Variants in FSIP1 observed in about 807,000 individuals in gnomAD.
FSIP1 encodes fibrous sheath interacting protein 1.
In FSIP1, 65 loss-of-function variants were observed where a neutral mutation model predicts 60.9. The observed-to-expected ratio is 1.07, with a 90% CI of 0.87 to 1.31. The LOEUF (loss-of-function observed/expected upper bound fraction) is 1.31. Among genes scored for constraint, FSIP1 ranks in the 40% most tolerant of loss-of-function variants. FSIP1 has a pLI of 0.00. For synonymous variants in FSIP1, 209 were observed against 221.2 expected, an observed-to-expected ratio of 0.94 and a Z score of 0.49; for missense variants, 675 against 665.5, an observed-to-expected ratio of 1.01 and a Z score of -0.16.
At chr15:39,678,518 TA>T (rs561531382) in intron 10 of FSIP1, among the ~76,000 whole-genome samples, 29 of 152,146 alleles carry the variant, frequency 1.9e-4, no homozygotes, top group Non-Finnish European at 3.8e-4. Flanking sequence ...ATTGGAAATA[TA>T]AAAACATTCG....
chr15:39,637,614 T>C (rs1892188991), intron 10 of FSIP1, among the ~76,000 whole-genome samples: 1 of 152,196 alleles, frequency 6.6e-6, no homozygotes, highest in Non-Finnish European at 1.5e-5. Flanking sequence ...TGTCCATTAG[T>C]ACCGAGTGGG....
At chr15:39,663,145 T>C (rs1356498880) in intron 10 of FSIP1, among the ~76,000 whole-genome samples, 3 of 152,218 alleles carry the variant, frequency 2.0e-5, no homozygotes, top group Non-Finnish European at 4.4e-5. Flanking sequence ...TTATCTATTA[T>C]TGTTGTTTTC....
chr15:39,737,609 A>G (rs888399620), intron 8 of FSIP1, among the ~76,000 whole-genome samples: 2 of 152,204 alleles, frequency 1.3e-5, no homozygotes, highest in African/African-American at 4.8e-5. Flanking sequence ...TAATGAATTG[A>G]CCAAGAATAA....
In FSIP1 at chr15:39,776,327, C is replaced by T. The variant is rs975051056; in HGVS notation, c.126+72G>A. ...GAGAAAATTTAAAATGGGATGTTAACAACAACCTTAGTTTCATCAACTGCT... is the reference window on the plus strand; with the variant it reads ...GAGAAAATTTAAAATGGGATGTTAATAACAACCTTAGTTTCATCAACTGCT... On this transcript the variant is annotated intron_variant, in intron 2 of 11. Transcript: ENST00000350221. The T allele has an allele frequency of 5.5e-6, 8 of 1,447,602 alleles. No homozygotes were observed. The African/African-American group carries it at 1.0e-4, about 18-fold the overall frequency. 89.7% of individuals were successfully genotyped at this position (1,447,602 alleles called of 1,614,324 possible). A position where few individuals can be genotyped will look rare whatever the true frequency, so the allele number is the denominator to read the frequency against.
At chr15:39,683,220 A>G (rs1449209119) in intron 10 of FSIP1, among the ~76,000 whole-genome samples, 2 of 152,198 alleles carry the variant, frequency 1.3e-5, no homozygotes, top group African/African-American at 4.8e-5. Flanking sequence ...CTGGAACTTC[A>G]AAACTTGATA....
At position 39,658,736 on chromosome 15, in the gene FSIP1, TGTATTAAAA is replaced by T. The variant is rs1248691346; in HGVS notation, c.1189-40500_1189-40492del. Among the ~76,000 whole-genome samples, 10 of 152,310 alleles carry T rather than the reference TGTATTAAAA, an allele frequency of 6.6e-5. No individual in the cohort carries two copies. The East Asian group carries it at 1.9e-3, about 29-fold the overall frequency. ...ATTTGACTGCTTCCTATTTAGAAGT[TGTATTAAAA>T]GTCAATGGATTCTTCAAAAAGCAAA... On this transcript the variant is annotated intron_variant, in intron 10 of 11. Coordinates refer to ENST00000350221, the MANE Select transcript of FSIP1 (RefSeq NM_152597.5).
chr15:39,613,251 G>A (rs1011754483), intron 11 of FSIP1, among the ~76,000 whole-genome samples: 7 of 152,066 alleles, frequency 4.6e-5, no homozygotes, highest in Non-Finnish European at 7.4e-5. Context: ...AAACGAAAAT[G>A]AAATGAAAGA....
intron 10 of FSIP1, among the ~76,000 whole-genome samples, chr15:39,674,260 T>C (rs2140474861): frequency 6.6e-6 from 1 of 152,278 alleles, no homozygotes; most frequent in South Asian, 2.1e-4. Context: ...TTCACCGTGT[T>C]AGCCAGGATG....
chr15:39,707,352 A>C (rs1895316500), intron 10 of FSIP1, among the ~76,000 whole-genome samples: 1 of 151,262 alleles, frequency 6.6e-6, no homozygotes, highest in Non-Finnish European at 1.5e-5. Flanking sequence ...TCCCCACTCT[A>C]CCCTCCCACT....
chr15:39,670,126 A>G (rs1161230147), intron 10 of FSIP1, among the ~76,000 whole-genome samples: 1 of 152,268 alleles, frequency 6.6e-6, no homozygotes, highest in Non-Finnish European at 1.5e-5. Flanking sequence ...CATTACATGG[A>G]TAGTGGTGAT....
At chr15:39,629,794 A>G (rs540838272) in intron 10 of FSIP1, among the ~76,000 whole-genome samples, 13 of 152,350 alleles carry the variant, frequency 8.5e-5, no homozygotes, top group African/African-American at 3.1e-4. Flanking sequence ...TCCAAGCCCC[A>G]TAGCTGGATG....
In FSIP1 at chr15:39,615,430, A is replaced by AAAAC. The variant is rs1555386844; in HGVS notation, c.1699+2304_1699+2305insGTTT. ...ACTCAATAGCAAAAAAAAAAAAAAAAATTAAAAAATAGGCAAAAGACCTGA... is the reference window on the plus strand; with the variant it reads ...ACTCAATAGCAAAAAAAAAAAAAAAAAAACATTAAAAAATAGGCAAAAGACCTGA... On this transcript the variant is annotated intron_variant, in intron 11 of 11. Transcript: ENST00000350221. Among the ~76,000 whole-genome samples the AAAAC allele has an allele frequency of 1.8e-4, 26 of 147,850 alleles. No individual in the cohort carries two copies. In the East Asian group the frequency reaches 4.2e-3, roughly 24 times the overall value.
intron 1 of FSIP1, among the ~76,000 whole-genome samples, chr15:39,777,591 C>T (rs993315019): frequency 2.0e-5 from 3 of 152,176 alleles, no homozygotes; most frequent in African/African-American, 2.4e-5. Context: ...ACACAGTGAG[C>T]GATGCAGGCA....
chr15:39,659,741 T>G (rs1029957731), intron 10 of FSIP1, among the ~76,000 whole-genome samples: 1 of 151,722 alleles, frequency 6.6e-6, no homozygotes, highest in Admixed American at 6.6e-5. Context: ...TAAATAAAAA[T>G]AATTACAGGA....
intron 8 of FSIP1, among the ~76,000 whole-genome samples, chr15:39,731,320 T>C (rs897746124): frequency 8.5e-5 from 13 of 152,142 alleles, no homozygotes; most frequent in African/African-American, 2.7e-4. Context: ...AAGTTATGCA[T>C]AATTTTTAAA....
At chr15:39,707,349 T>A (rs1895316382) in intron 10 of FSIP1, among the ~76,000 whole-genome samples, 1 of 152,068 alleles carries the variant, frequency 6.6e-6, no homozygotes, top group Non-Finnish European at 1.5e-5. Flanking sequence ...CAATCCCCAC[T>A]CTACCCTCCC....
At chr15:39,749,544 C>T (rs1897103971) in intron 5 of FSIP1, among the ~76,000 whole-genome samples, 1 of 151,934 alleles carries the variant, frequency 6.6e-6, no homozygotes, top group South Asian at 2.1e-4. Flanking sequence ...ATATAAATAA[C>T]ATTAACAGAT....
intron 10 of FSIP1, among the ~76,000 whole-genome samples, chr15:39,624,845 C>A (rs1264003253): frequency 6.6e-6 from 1 of 152,178 alleles, no homozygotes; most frequent in African/African-American, 2.4e-5. Flanking sequence ...AAAAAGGAAG[C>A]AAATATCATT....
intron 3 of FSIP1, among the ~76,000 whole-genome samples, chr15:39,768,971 C>A (rs1253384602): frequency 1.3e-5 from 2 of 152,150 alleles, no homozygotes; most frequent in African/African-American, 2.4e-5. Flanking sequence ...TTAATATTGC[C>A]ACCAATTTTT....
Sources: allele counts gnomAD v4.1 joint callset (sites outside exome capture counted in the v4.1 genomes callset), GRCh38; gene constraint gnomAD v4.1.1; transcripts MANE v1.5; gene names NCBI Gene and HGNC (gene_info 2026-07-23, HGNC 2026-07-21).